R3HDM1: variants seen among roughly 807,000 people sequenced by gnomAD.
R3HDM1 encodes R3H domain-containing protein 1.
In R3HDM1, 46 loss-of-function variants were observed where a neutral mutation model predicts 141.1. The ratio of observed to expected loss-of-function variants is 0.33; its 90% CI spans 0.26 to 0.42. R3HDM1 has a LOEUF of 0.42. Among genes scored for constraint, R3HDM1 ranks in the 10% least tolerant of loss-of-function variants. R3HDM1 has a pLI of 1.00. For missense variants in R3HDM1, 1,184 were observed against 1,368.3 expected (o/e 0.87, Z 2.12); for synonymous variants, 435 against 472.9 (o/e 0.92, Z 1.04).
chr2:135,686,160 C>T lies in R3HDM1; in HGVS notation c.2459+5836C>T, dbSNP rs541359797. Among the ~76,000 whole-genome samples, 18 of 152,096 alleles carry T rather than the reference C, an allele frequency of 1.2e-4. No individual in the cohort carries two copies. The East Asian group carries it at 3.3e-3, about 28-fold the overall frequency. On this transcript the variant is annotated intron_variant, in intron 21 of 26. Coordinates refer to ENST00000683871, the MANE Select transcript of R3HDM1 (RefSeq NM_001378107.1). ...TTAAAATGGCTGTTATCAAAAAAATCAAAAGCTATTAAGTATTGATAAGGA... is the reference window on the plus strand; with the variant it reads ...TTAAAATGGCTGTTATCAAAAAAATTAAAAGCTATTAAGTATTGATAAGGA...
chr2:135,588,673 ATG>A (rs1438504283), intron 1 of R3HDM1, among the ~76,000 whole-genome samples: 2 of 152,094 alleles, frequency 1.3e-5, no homozygotes, highest in Admixed American at 6.5e-5. Context: ...CTAAAGATAT[ATG>A]TGTTAGGCTA....
At chr2:135,628,220 A>G (rs2062247692) in intron 7 of R3HDM1, among the ~76,000 whole-genome samples, 2 of 152,308 alleles carry the variant, frequency 1.3e-5, no homozygotes, top group African/African-American at 2.4e-5. Context: ...TCTAACCTCA[A>G]TTACAGATTT....
intron 15 of R3HDM1, 26 bp downstream of exon 15, chr2:135,641,816 A>G: frequency 6.4e-7 from 1 of 1,559,572 alleles, no homozygotes; most frequent in Non-Finnish European, 8.6e-7. Context: ...AAGGTGTTTC[A>G]GGAATTATCT....
intron 5 of R3HDM1, chr2:135,619,879 A>G (rs2061384045): frequency 8.9e-6 from 2 of 223,814 alleles, no homozygotes; most frequent in African/African-American, 2.3e-5. Flanking sequence ...GATGTTATTG[A>G]CAGAGTGAAG....
At position 135,669,968 on chromosome 2, in the gene R3HDM1, A is replaced by G. The variant is rs532370949; in HGVS notation, c.2153-5364A>G. Among the ~76,000 whole-genome samples the G allele has an allele frequency of 2.0e-5, 3 of 151,976 alleles. No individual in the cohort carries two copies. The South Asian group carries it at 6.2e-4, about 32-fold the overall frequency. On this transcript the variant is annotated intron_variant, in intron 19 of 26. Transcript: ENST00000683871. Reference sequence around the variant, plus strand: ...AGCCTGGCCAACATGGTGAAACCCCATCTCTATTAAATATACAAATATTAG... The same window carrying G: ...AGCCTGGCCAACATGGTGAAACCCCGTCTCTATTAAATATACAAATATTAG...
At chr2:135,632,075 T>G in intron 9 of R3HDM1, 74 bp downstream of exon 9, 1 of 1,203,490 alleles carries the variant, frequency 8.3e-7, no homozygotes, top group Non-Finnish European at 1.1e-6. Flanking sequence ...TTACCTTTCA[T>G]CTGAGGTTTT....
chr2:135,634,091 C>A (rs1384088546), intron 9 of R3HDM1, among the ~76,000 whole-genome samples: 2 of 151,952 alleles, frequency 1.3e-5, no homozygotes, highest in African/African-American at 4.8e-5. Flanking sequence ...TCTTTCAAAC[C>A]CTTGAAGAAA....
rs552931434 is a variant in R3HDM1, at chr2:135,702,457, G to A, written c.2460-6976G>A. Among the ~76,000 whole-genome samples the A allele has an allele frequency of 5.9e-5, 9 of 151,986 alleles. No homozygotes were observed. In the East Asian group the frequency reaches 7.8e-4, roughly 13 times the overall value. ...TGGCGGATCACAAGGTCAGGAGATC[G>A]AGACCATCCTGGCTAACACGATGAA... On this transcript the variant is annotated intron_variant, in intron 21 of 26. Transcript: ENST00000683871.
intron 21 of R3HDM1, among the ~76,000 whole-genome samples, chr2:135,694,419 T>G (rs2072928860): frequency 1.3e-5 from 2 of 152,202 alleles, no homozygotes; most frequent in Admixed American, 6.5e-5. Flanking sequence ...TGAGGGATAT[T>G]GAAGAAAGGA....
intron 1 of R3HDM1, among the ~76,000 whole-genome samples, chr2:135,572,882 T>A (rs1467805792): frequency 1.3e-5 from 2 of 152,212 alleles, no homozygotes; most frequent in African/African-American, 4.8e-5. Context: ...ATCACTGTGC[T>A]AAGTGAAGGA....
chr2:135,571,943 T>A (rs1337652706), intron 1 of R3HDM1, among the ~76,000 whole-genome samples: 1 of 152,168 alleles, frequency 6.6e-6, no homozygotes, highest in Non-Finnish European at 1.5e-5. Flanking sequence ...TTTTATTTTG[T>A]TTTATTTTAT....
intron 1 of R3HDM1, among the ~76,000 whole-genome samples, chr2:135,535,842 G>A (rs1695984968): frequency 6.6e-6 from 1 of 152,168 alleles, no homozygotes; most frequent in African/African-American, 2.4e-5. Flanking sequence ...GCTGAGGGAT[G>A]AAATAGAGAT....
intron 21 of R3HDM1, among the ~76,000 whole-genome samples, chr2:135,701,223 C>CAA (rs748354211): frequency 9.1e-4 from 75 of 82,390 alleles, no homozygotes; most frequent in Middle Eastern, 7.4e-3. Context: ...TCATCTCTAC[C>CAA]AAAAAAAAAA....
rs535196601 is a variant in R3HDM1, at chr2:135,622,099, A to T, written c.418+491A>T. ...AAACCCAGTTATGTTGACCAGTATT[A>T]TAAATAGTATAAAGATACTACATTT... On this transcript the variant is annotated intron_variant, in intron 6 of 26. Transcript: ENST00000683871. 9 of 981,770 alleles carry T rather than the reference A, an allele frequency of 9.2e-6. No homozygotes were observed. In the East Asian group the frequency reaches 6.8e-4, roughly 74 times the overall value. The allele number at this position is 981,770 out of a possible 1,614,324, so 60.8% of individuals were successfully genotyped here.
At chr2:135,712,425 C>G in intron 23 of R3HDM1, among the ~76,000 whole-genome samples, 1 of 131,590 alleles carries the variant, frequency 7.6e-6, no homozygotes. Flanking sequence ...CCATGCCCAA[C>G]TAATTTTTTT....
At chr2:135,547,767 C>CTTTTTTTTTT (rs56950620) in intron 1 of R3HDM1, among the ~76,000 whole-genome samples, 23 of 107,352 alleles carry the variant, frequency 2.1e-4, no homozygotes, top group African/African-American at 5.2e-4. Context: ...TTTTTCTTTT[C>CTTTTTTTTTT]TTTTTTTTTT....
chr2:135,580,240 C>A (rs1706486030), intron 1 of R3HDM1, among the ~76,000 whole-genome samples: 1 of 152,082 alleles, frequency 6.6e-6, no homozygotes, highest in Non-Finnish European at 1.5e-5. Flanking sequence ...AAGAGGGACA[C>A]CCTGTCTCTA....
At chr2:135,591,658 T>C (rs1026655338) in intron 1 of R3HDM1, among the ~76,000 whole-genome samples, 1 of 152,224 alleles carries the variant, frequency 6.6e-6, no homozygotes, top group Non-Finnish European at 1.5e-5. Context: ...TTGACACTAA[T>C]GTGCAGTTAG....
intron 18 of R3HDM1, among the ~76,000 whole-genome samples, chr2:135,660,210 A>G (rs1337459911): frequency 1.3e-5 from 2 of 152,214 alleles, no homozygotes; most frequent in Non-Finnish European, 2.9e-5. Flanking sequence ...AGTTTCCCGT[A>G]TTTGAAAAGC....
Sources: allele counts gnomAD v4.1 joint callset (sites outside exome capture counted in the v4.1 genomes callset), GRCh38; gene constraint gnomAD v4.1.1; transcripts MANE v1.5; gene names NCBI Gene and HGNC (gene_info 2026-07-23, HGNC 2026-07-21).